Variants in SLC30A8 observed in about 807,000 individuals in gnomAD.
SLC30A8 encodes solute carrier family 30 member 8.
A neutral mutation model predicts 36.9 loss-of-function variants in SLC30A8; 27 were observed. That is an observed-to-expected ratio of 0.73 (90% CI 0.54 to 1.01). The LOEUF (loss-of-function observed/expected upper bound fraction) is 1.01, where lower values mean the gene tolerates loss of function less well. Ranked by LOEUF, SLC30A8 falls within the 50% of genes least tolerant of loss-of-function variation. The probability of loss-of-function intolerance (pLI) is 0.00; values close to 1 mark genes in which losing one functional copy is unlikely to be tolerated. For missense variants in SLC30A8, 439 were observed against 452.0 expected, an observed-to-expected ratio of 0.97 and a Z score of 0.26; for synonymous variants, 164 against 172.4, an observed-to-expected ratio of 0.95 and a Z score of 0.38.
intron 4 of SLC30A8, among the ~76,000 whole-genome samples, chr8:117,161,182 G>A (rs1268169608): frequency 1.3e-5 from 2 of 152,166 alleles, no homozygotes; most frequent in Non-Finnish European, 2.9e-5. Context: ...TTATATACAT[G>A]AGCACAATAT....
chr8:117,164,550 G>A (rs1196269416), intron 6 of SLC30A8, among the ~76,000 whole-genome samples: 3 of 152,036 alleles, frequency 2.0e-5, no homozygotes, highest in African/African-American at 7.2e-5. Flanking sequence ...CTGCAGCCTG[G>A]GTGACAGAGT....
intron 2 of SLC30A8, among the ~76,000 whole-genome samples, chr8:117,067,607 C>T (rs546663387): frequency 2.0e-5 from 3 of 152,234 alleles, no homozygotes; most frequent in South Asian, 4.1e-4. Flanking sequence ...CTGGAGGACT[C>T]ACATTTATTT....
At chr8:117,079,787 A>G (rs1818605703) in intron 2 of SLC30A8, among the ~76,000 whole-genome samples, 1 of 152,204 alleles carries the variant, frequency 6.6e-6, no homozygotes, top group South Asian at 2.1e-4. Context: ...GAAACAGACA[A>G]CTGGGGCTAC....
intron 1 of SLC30A8, among the ~76,000 whole-genome samples, 198 bp downstream of exon 1, chr8:117,135,596 T>C (rs1821325622): frequency 6.6e-6 from 1 of 151,976 alleles, no homozygotes. Context: ...TCCTTAAATA[T>C]CCTAAGTGCA....
intron 2 of SLC30A8, among the ~76,000 whole-genome samples, chr8:117,078,285 T>A (rs1414682306): frequency 6.6e-6 from 1 of 152,194 alleles, no homozygotes; most frequent in Non-Finnish European, 1.5e-5. Flanking sequence ...TGAAATGAAG[T>A]AATGAAAATT....
chr8:117,069,878 C>T (rs1426519130), intron 2 of SLC30A8, among the ~76,000 whole-genome samples: 1 of 152,226 alleles, frequency 6.6e-6, no homozygotes, highest in Non-Finnish European at 1.5e-5. Flanking sequence ...CAAGGCCACA[C>T]ACACGCTGGA....
At chr8:116,997,860 G>T (rs1171948039) in intron 1 of SLC30A8, among the ~76,000 whole-genome samples, 2 of 152,122 alleles carry the variant, frequency 1.3e-5, no homozygotes, top group African/African-American at 4.8e-5. Flanking sequence ...GTATAAAGAT[G>T]ATAAAACAGG....
At chr8:117,056,109 C>G (rs1817861828) in intron 2 of SLC30A8, 1 of 152,078 alleles carries the variant, frequency 6.6e-6, no homozygotes, top group Non-Finnish European at 1.5e-5. Context: ...CTTAACTCCT[C>G]CAGTAAAGAT....
chr8:117,153,728 GT>G, intron 3 of SLC30A8, among the ~76,000 whole-genome samples: 1 of 149,884 alleles, frequency 6.7e-6, no homozygotes, highest in African/African-American at 2.4e-5. Flanking sequence ...TAAGGGGTGT[GT>G]GTGTGTGTGT....
rs763078920 is a variant in SLC30A8, at chr8:117,146,966, A to G, written c.84A>G (p.Gln28=). The G allele has an allele frequency of 6.2e-6, 10 of 1,613,846 alleles. No homozygotes were observed. The East Asian group carries it at 6.7e-5, about 11-fold the overall frequency. ...AACTCATCCATAGTGTGGAACTCCA[A>G]CAGAAACCGGTGAATAAAGATCAGT... ...YAFTLESVEL[Q]QKPVNKDQCP... is the part of the protein sequence containing the mutation. Residue 28 remains glutamine, a synonymous_variant, in exon 2 of 8, where the codon CAA becomes CAG. Coordinates refer to ENST00000456015, the MANE Select transcript of SLC30A8 (RefSeq NM_173851.3).
chr8:116,972,397 C>T (rs971230055), intron 1 of SLC30A8, among the ~76,000 whole-genome samples: 9 of 152,178 alleles, frequency 5.9e-5, no homozygotes, highest in African/African-American at 2.2e-4. Context: ...AGTGAGTCAA[C>T]GGGCAAGTGA....
At chr8:116,966,359 A>C (rs77987233) in intron 1 of SLC30A8, among the ~76,000 whole-genome samples, 3,176 of 152,170 alleles carry the variant, frequency 0.021, 115 homozygotes, top group African/African-American at 0.072. Flanking sequence ...CGACCCGTAG[A>C]TATCTTGCTA....
chr8:117,088,354 C>T (rs7843392), intron 2 of SLC30A8, among the ~76,000 whole-genome samples: 5,000 of 152,260 alleles, frequency 0.033, 193 homozygotes, highest in African/African-American at 0.097. Context: ...CAGTACAATG[C>T]AGATGCCCAG....
At chr8:116,957,158 G>A (rs1814239854) in intron 1 of SLC30A8, among the ~76,000 whole-genome samples, 1 of 152,152 alleles carries the variant, frequency 6.6e-6, no homozygotes, top group African/African-American at 2.4e-5. Context: ...ACTCATGGGA[G>A]TAGTTAAAGA....
chr8:116,961,295 G>A (rs889116549), intron 1 of SLC30A8, among the ~76,000 whole-genome samples: 7 of 152,088 alleles, frequency 4.6e-5, no homozygotes, highest in Non-Finnish European at 5.9e-5. Context: ...CGGGCGTGGT[G>A]GCAGGTGCCT....
intron 1 of SLC30A8, among the ~76,000 whole-genome samples, chr8:116,965,078 A>T (rs1814553800): frequency 6.6e-6 from 1 of 152,166 alleles, no homozygotes; most frequent in Non-Finnish European, 1.5e-5. Flanking sequence ...CTGAGATTAC[A>T]GGCGTGCACC....
chr8:116,987,686 T>A (rs953151013), intron 1 of SLC30A8, among the ~76,000 whole-genome samples: 75 of 152,168 alleles, frequency 4.9e-4, no homozygotes, highest in African/African-American at 1.7e-3. Flanking sequence ...ACTTTTATTA[T>A]TATTACTTTT....
At chr8:117,042,529 C>T (rs559649126) in intron 2 of SLC30A8, among the ~76,000 whole-genome samples, 1 of 152,228 alleles carries the variant, frequency 6.6e-6, no homozygotes, top group East Asian at 1.9e-4. Context: ...TCCTCAGGTA[C>T]TATCTGGTCT....
chr8:117,072,096 C>G (rs993541359), intron 2 of SLC30A8, among the ~76,000 whole-genome samples: 1 of 152,172 alleles, frequency 6.6e-6, no homozygotes, highest in Non-Finnish European at 1.5e-5. Context: ...AGAAAATGGT[C>G]TGGTGATTGA....
Sources: allele counts gnomAD v4.1 joint callset (sites outside exome capture counted in the v4.1 genomes callset), GRCh38; gene constraint gnomAD v4.1.1; transcripts MANE v1.5; gene names NCBI Gene and HGNC (gene_info 2026-07-23, HGNC 2026-07-21).